Variants in ZFYVE26 observed in about 807,000 individuals in gnomAD.
ZFYVE26 encodes zinc finger FYVE domain-containing protein 26.
Under a neutral mutation model 276.5 loss-of-function variants are expected in ZFYVE26, and 181 were observed. The observed-to-expected ratio is 0.65, with a 90% CI of 0.58 to 0.74. The LOEUF (loss-of-function observed/expected upper bound fraction) is 0.74. ZFYVE26 is among the 30% of genes least tolerant of loss of function. The probability of loss-of-function intolerance (pLI) is 0.00; values close to 1 mark genes in which losing one functional copy is unlikely to be tolerated. For synonymous variants in ZFYVE26, 1,129 were observed against 1,203.1 expected (o/e 0.94, Z 1.27); for missense variants, 2,821 against 3,097.9 (o/e 0.91, Z 2.12).
chr14:67,773,914 A>G (rs2140209753), intron 27 of ZFYVE26, among the ~76,000 whole-genome samples: 1 of 152,248 alleles, frequency 6.6e-6, no homozygotes, highest in African/African-American at 2.4e-5. Flanking sequence ...AGAGTAGGCC[A>G]TTGTGTGGGG....
At position 67,780,272 on chromosome 14, in the gene ZFYVE26, G is replaced by C. The variant is rs1594910045; in HGVS notation, c.4643C>G (p.Ser1548Ter). The change falls in exon 23 of 42, where the codon TCA becomes TGA. Residue 1548 changes from serine (S) to a stop codon, truncating the protein, a stop_gained. Transcript: ENST00000347230. LOFTEE classifies it high-confidence loss of function. The part of the protein sequence containing the change: ...TLRSCCVEDP[S>*]TVMNMILEAQ... ...TTCTAGAATCATGTTCATGACAGTT[G>C]ATGGGTCCTCAACACAACAGCTCCT... is the stretch of plus-strand genomic sequence containing the variant. The C allele has an allele frequency of 1.2e-6, 2 of 1,614,008 alleles. No individual in the cohort carries two copies. The highest frequency in any genetic ancestry group is 1.7e-6 in the Non-Finnish European group (2 of 1,179,982).
chr14:67,788,939 C>T (rs8015003), intron 16 of ZFYVE26, among the ~76,000 whole-genome samples: 3,494 of 152,222 alleles, frequency 0.023, 98 homozygotes, highest in African/African-American at 0.066. Context: ...TGTTATTCAC[C>T]TCAAGGTATG....
Position 67,782,986 on chromosome 14 carries a change from A to C in ZFYVE26, c.4166T>G (p.Val1389Gly). ...AAGACTGGCCCAACCACAGAGATTC[A>C]CTGCCAGACTCTGCCCCTGCTGCAA... ...GSLQQGQSLA[V>G]NLCGWASLST... The change falls in exon 21 of 42, where the codon GTG becomes GGG. Residue 1389 changes from valine (V) to glycine (G), a missense_variant. Physicochemically the swap from Val to Gly is moderately radical, Grantham distance 109 (BLOSUM62 -3). Coordinates refer to ENST00000347230, the MANE Select transcript of ZFYVE26 (RefSeq NM_015346.4). 1 of 1,614,212 alleles carries C rather than the reference A, an allele frequency of 6.2e-7. No individual in the cohort carries two copies. The highest frequency in any genetic ancestry group is 1.1e-5 in the South Asian group (1 of 91,086).
chr14:67,807,622 G>T lies in ZFYVE26; in HGVS notation c.662C>A (p.Ala221Asp). The change falls in exon 5 of 42, where the codon GCC (alanine) becomes GAC (aspartate). Residue 221 changes from alanine to aspartate, a missense_variant. Ala to Asp is a moderately radical substitution (Grantham distance 126). Coordinates refer to ENST00000347230, the MANE Select transcript of ZFYVE26 (RefSeq NM_015346.4). ...PPGVVDAIYGALRTLRCPAEP... is the reference protein window; with the variant it reads ...PPGVVDAIYGDLRTLRCPAEP... Reference sequence around the variant, plus strand: ...TGCGGGGCAACGCAGAGTCCGCAGGGCTCCATAGATGGCATCGACTACCCC... The same window carrying T: ...TGCGGGGCAACGCAGAGTCCGCAGGTCTCCATAGATGGCATCGACTACCCC... 1.2e-6 allele frequency: 2 copies of T among 1,614,204 alleles called. No individual in the cohort carries two copies. Among genetic ancestry groups the T allele is most frequent in the Non-Finnish European group, 1.7e-6 (2 of 1,180,034 alleles).
At chr14:67,791,219 C>T (rs2039805259) in intron 14 of ZFYVE26, among the ~76,000 whole-genome samples, 1 of 152,102 alleles carries the variant, frequency 6.6e-6, no homozygotes, top group African/African-American at 2.4e-5. Context: ...CATCTTTTGA[C>T]TCAGTAGTTT....
chr14:67,753,461 G>T (rs934980148), intron 39 of ZFYVE26, among the ~76,000 whole-genome samples: 1 of 152,222 alleles, frequency 6.6e-6, no homozygotes, highest in Non-Finnish European at 1.5e-5. Context: ...AACTGTCTGA[G>T]ACCTGGCTCC....
Position 67,792,427 on chromosome 14 carries a change from A to G in ZFYVE26, c.2553+1181T>C, listed in dbSNP as rs772994598. On this transcript the variant is annotated intron_variant, in intron 14 of 41. Transcript: ENST00000347230. ...TTTTTATATTTCTCACGGCTAGAAC[A>G]TAATCCTCTTAACATTCCTATGAGG... Among the ~76,000 whole-genome samples the G allele has an allele frequency of 1.1e-4, 17 of 152,228 alleles. 1 individual carries two copies. Among genetic ancestry groups the G allele is most frequent in the Non-Finnish European group, 1.6e-4 (11 of 68,048 alleles).
At position 67,790,905 on chromosome 14, in the gene ZFYVE26, A is replaced by C. The variant is rs141976170; in HGVS notation, c.2554-132T>G. ...TTGTGCTTTGTAGGGTCAGAAGAGC[A>C]CTGAATGTTAGAAGAGCAGGTCAAC... On this transcript the variant is annotated intron_variant, in intron 14 of 41. Coordinates refer to ENST00000347230, the MANE Select transcript of ZFYVE26 (RefSeq NM_015346.4). The C allele has an allele frequency of 3.7e-5, 30 of 809,740 alleles. No homozygotes were observed. In the East Asian group the frequency reaches 7.6e-4, roughly 20 times the overall value. 50.2% of individuals were successfully genotyped at this position (809,740 alleles called of 1,614,324 possible). A position where few individuals can be genotyped will look rare whatever the true frequency, so the allele number is the denominator to read the frequency against.
intron 31 of ZFYVE26, 83 bp downstream of exon 31, chr14:67,767,621 T>A: frequency 6.3e-7 from 1 of 1,576,882 alleles, no homozygotes; most frequent in Non-Finnish European, 8.7e-7. Flanking sequence ...AGGCCAGGTG[T>A]GTTCACCTAC....
chr14:67,750,331 AAGC>A, intron 41 of ZFYVE26: 2 of 154,326 alleles, frequency 1.3e-5, no homozygotes, highest in South Asian at 4.0e-4. Flanking sequence ...AGCGTGTAAG[AAGC>A]TCTTTGCCTG....
rs1356459056 is a variant in ZFYVE26 at position 67,768,504 on chromosome 14, G to A, written c.5653+13C>T. Reference sequence around the variant, plus strand: ...ACAAATGAAGAGTCACAGAGAACGGGATTTGGCCTTACCTTCTGGTTTTTC... The same window carrying A: ...ACAAATGAAGAGTCACAGAGAACGGAATTTGGCCTTACCTTCTGGTTTTTC... On this transcript the variant is annotated intron_variant, in intron 30 of 41. Transcript: ENST00000347230. The A allele has an allele frequency of 1.2e-6, 2 of 1,613,972 alleles. No individual in the cohort carries two copies. Among genetic ancestry groups the A allele is most frequent in the Admixed American group, 1.7e-5 (1 of 60,028 alleles).
chr14:67,770,813 T>C (rs2140205662), intron 28 of ZFYVE26, among the ~76,000 whole-genome samples: 1 of 152,318 alleles, frequency 6.6e-6, no homozygotes, highest in Middle Eastern at 3.4e-3. Context: ...ACCTTCTATA[T>C]GGTGGTTTCA....
chr14:67,735,180 G>A (rs559028492), intron 13 of ZFYVE26: 412 of 1,277,746 alleles, frequency 3.2e-4, no homozygotes, highest in Non-Finnish European at 4.3e-4. Context: ...AGCCACAGTC[G>A]TTCCCCTTGT....
In ZFYVE26 at chr14:67,762,817, T is replaced by C. The variant is rs1164231240; in HGVS notation, c.6014A>G (p.Tyr2005Cys). The C allele has an allele frequency of 1.2e-6, 2 of 1,614,000 alleles. No homozygotes were observed. Among genetic ancestry groups the C allele is most frequent in the Non-Finnish European group, 1.7e-6 (2 of 1,180,038 alleles). The change falls in exon 33 of 42, where the codon TAC (tyrosine) becomes TGC (cysteine). Residue 2005 changes from tyrosine (Y) to cysteine (C), a missense_variant and splice_region_variant. Transcript: ENST00000347230. ...ATTCAGCACATCTACCTTGCTGATG[T>C]AGCTACAAGGAGGAAAAGGGCAAGG... ...QSQDLALCDS[Y>C]ISKVDVLNIL...
Position 67,767,915 on chromosome 14 carries a change from T to G in ZFYVE26, c.5654-75A>C, listed in dbSNP as rs564935420. The G allele has an allele frequency of 8.0e-5, 129 of 1,605,828 alleles. No homozygotes were observed. In the African/African-American group the frequency reaches 1.5e-3, roughly 18 times the overall value. On this transcript the variant is annotated intron_variant, in intron 30 of 41. Transcript: ENST00000347230. ...TCTAACCCAGTCCAGTGAGCTGGCA[T>G]GAGTTGCAGGTAGACACTTGCCTGC...
At chr14:67,778,491 G>A (rs1011492031) in intron 23 of ZFYVE26, among the ~76,000 whole-genome samples, 3 of 152,202 alleles carry the variant, frequency 2.0e-5, no homozygotes, top group African/African-American at 7.2e-5. Flanking sequence ...AAGGAAGTGG[G>A]AAAGACTGAA....
chr14:67,779,205 T>G (rs1216736665), intron 23 of ZFYVE26, among the ~76,000 whole-genome samples: 2 of 151,756 alleles, frequency 1.3e-5, no homozygotes, highest in Admixed American at 6.5e-5. Flanking sequence ...TTAGTTATCA[T>G]GTAAATTAAA....
chr14:67,745,425 A>G (rs567320342), downstream of ZFYVE26, among the ~76,000 whole-genome samples: 1 of 152,066 alleles, frequency 6.6e-6, no homozygotes, highest in East Asian at 1.9e-4. Flanking sequence ...ACATTCAGAG[A>G]AACTTCTCTA....
In ZFYVE26 at chr14:67,775,865, C is replaced by A. The variant is rs201566214; in HGVS notation, c.5216G>T (p.Arg1739Leu). The A allele has an allele frequency of 2.0e-4, 326 of 1,614,174 alleles. 1 individual carries two copies. The South Asian group carries it at 3.2e-3, about 16-fold the overall frequency. Residue 1739 changes from arginine (R) to leucine (L), a missense_variant, in exon 26 of 42, where the codon CGA becomes CTA. By Grantham distance (102) the Arg-to-Leu change is moderately radical. Transcript: ENST00000347230. ...TCTAGGATGCTAGCAGTTACCTGAT[C>A]GTTTCTCCCTCTGAGGGTATGGAAA... ...LDFPYPQREK[R>L]SDSVIHLQEI... is the part of the protein sequence containing the mutation.
Sources: allele counts gnomAD v4.1 joint callset (sites outside exome capture counted in the v4.1 genomes callset), GRCh38; gene constraint gnomAD v4.1.1; transcripts MANE v1.5; gene names NCBI Gene and HGNC (gene_info 2026-07-23, HGNC 2026-07-21).